Variants in ZNF277 observed in about 807,000 individuals in gnomAD.
The protein encoded by ZNF277 is nuclear receptor-interacting factor 4.
Under a neutral mutation model 60.7 loss-of-function variants are expected in ZNF277, and 55 were observed. The observed-to-expected ratio is 0.91, with a 90% confidence interval of 0.73 to 1.13. The LOEUF (loss-of-function observed/expected upper bound fraction) is 1.13, where lower values mean the gene tolerates loss of function less well. Ranked by LOEUF, ZNF277 falls within the 50% of genes most tolerant of loss-of-function variation. ZNF277 has a pLI of 0.00. For missense variants in ZNF277, 510 were observed against 523.0 expected, an observed-to-expected ratio of 0.98 and a Z score of 0.24; for synonymous variants, 178 against 179.3, an observed-to-expected ratio of 0.99 and a Z score of 0.06.
chr7:112,232,084 T>TATATATATATATATATA (rs1822354082), intron 1 of ZNF277, among the ~76,000 whole-genome samples: 2 of 132,180 alleles, frequency 1.5e-5, no homozygotes, highest in Admixed American at 8.0e-5. Context: ...TATATATATA[T>TATATATATATATATATA]TCCCTTAACT....
rs535310226 is a variant in ZNF277 at position 112,323,923 on chromosome 7, T to A, written c.558-3794T>A. 2.3e-3 allele frequency among the ~76,000 whole-genome samples: 356 copies of A among 152,320 alleles called. 2 individuals carry two copies. Among genetic ancestry groups the A allele is most frequent in the Non-Finnish European group, 3.5e-3 (239 of 68,032 alleles). On this transcript the variant is annotated intron_variant, in intron 5 of 11. Coordinates refer to ENST00000361822, the MANE Select transcript of ZNF277 (RefSeq NM_021994.3). ...CAAAAAATGAGATCAGAGAGCACTA[T>A]GTAGGGAAATATTTGTTCCTAAAGT...
chr7:112,262,753 A>G (rs1311898259), intron 1 of ZNF277, among the ~76,000 whole-genome samples: 1 of 152,086 alleles, frequency 6.6e-6, no homozygotes, highest in African/African-American at 2.4e-5. Flanking sequence ...TATATTTTAT[A>G]TTTGTTCCAA....
At chr7:112,248,647 G>A (rs1348445525) in intron 1 of ZNF277, among the ~76,000 whole-genome samples, 2 of 151,330 alleles carry the variant, frequency 1.3e-5, no homozygotes, top group African/African-American at 4.9e-5. Flanking sequence ...ACACTTTTCT[G>A]TATATGTATG....
chr7:112,291,081 G>A (rs62473137), intron 2 of ZNF277, among the ~76,000 whole-genome samples: 3,303 of 151,974 alleles, frequency 0.022, 51 homozygotes, highest in Middle Eastern at 0.075. Context: ...AACTTCCTGG[G>A]GCAGGAGAAA....
At chr7:112,289,026 A>G (rs1792140645) in intron 2 of ZNF277, 1 of 150,904 alleles carries the variant, frequency 6.6e-6, no homozygotes, top group African/African-American at 2.4e-5. Context: ...TGTGTACCTG[A>G]TAAATGGTAG....
At chr7:112,318,106 C>T in intron 4 of ZNF277, 76 bp from the exon 5 acceptor site, 1 of 1,228,956 alleles carries the variant, frequency 8.1e-7, no homozygotes, top group Non-Finnish European at 1.2e-6. Context: ...CCAGTTTCCT[C>T]CCATCCAGAC....
intron 1 of ZNF277, among the ~76,000 whole-genome samples, chr7:112,260,901 A>G (rs533317817): frequency 6.6e-6 from 1 of 152,176 alleles, no homozygotes; most frequent in African/African-American, 2.4e-5. Flanking sequence ...CAAATTTATG[A>G]TATTTTTCTT....
At chr7:112,333,282 A>G (rs1793263002) in intron 7 of ZNF277, among the ~76,000 whole-genome samples, 1 of 152,190 alleles carries the variant, frequency 6.6e-6, no homozygotes, top group African/African-American at 2.4e-5. Context: ...TATTGACATC[A>G]TACATTCTGC....
chr7:112,300,299 T>C (rs1295584051), intron 4 of ZNF277, among the ~76,000 whole-genome samples: 1 of 152,240 alleles, frequency 6.6e-6, no homozygotes, highest in Non-Finnish European at 1.5e-5. Context: ...CTTTGAATAT[T>C]TTCATCCATA....
intron 1 of ZNF277, among the ~76,000 whole-genome samples, chr7:112,236,719 C>T (rs570015835): frequency 6.6e-6 from 1 of 152,034 alleles, no homozygotes; most frequent in African/African-American, 2.4e-5. Context: ...AGAAAGTAAA[C>T]ACAATCTCAT....
At chr7:112,282,465 A>T (rs1791968900) in intron 1 of ZNF277, among the ~76,000 whole-genome samples, 1 of 152,236 alleles carries the variant, frequency 6.6e-6, no homozygotes, top group South Asian at 2.1e-4. Flanking sequence ...TTCTACATGT[A>T]TTCCTTGACT....
rs559571890 is a variant in ZNF277, at chr7:112,270,706, C to T, written c.92-16167C>T. Among the ~76,000 whole-genome samples, 95 of 151,916 alleles carry T rather than the reference C, an allele frequency of 6.3e-4. 1 individual carries two copies. The South Asian group carries it at 0.019, about 30-fold the overall frequency. The stretch of plus-strand genomic sequence containing the variant: ...ATCTATCACAAAATATTTCTTCTTC[C>T]AAAACCTATAGAAAAGGTAATATGT... On this transcript the variant is annotated intron_variant, in intron 1 of 11. Coordinates refer to ENST00000361822, the MANE Select transcript of ZNF277 (RefSeq NM_021994.3).
At chr7:112,306,224 T>G (rs1792586193) in intron 4 of ZNF277, among the ~76,000 whole-genome samples, 1 of 148,454 alleles carries the variant, frequency 6.7e-6, no homozygotes, top group African/African-American at 2.5e-5. Context: ...TTTTTTTTTT[T>G]TTTTTTTTGA....
intron 1 of ZNF277, among the ~76,000 whole-genome samples, chr7:112,218,353 T>C (rs1821940718): frequency 6.6e-6 from 1 of 152,224 alleles, no homozygotes; most frequent in Non-Finnish European, 1.5e-5. Flanking sequence ...ATTTTAGAAT[T>C]TTTTAATTGA....
intron 5 of ZNF277, among the ~76,000 whole-genome samples, chr7:112,320,750 T>C (rs1263874814): frequency 6.6e-6 from 1 of 152,018 alleles, no homozygotes; most frequent in East Asian, 1.9e-4. Context: ...ATTGTAGTAC[T>C]TAATTCGTGT....
intron 4 of ZNF277, among the ~76,000 whole-genome samples, chr7:112,315,612 G>A (rs1269227258): frequency 4.6e-5 from 7 of 152,180 alleles, no homozygotes; most frequent in Non-Finnish European, 1.0e-4. Flanking sequence ...TATAGAACAG[G>A]TTAAATTATG....
chr7:112,276,192 G>A lies in ZNF277; in HGVS notation c.92-10681G>A, dbSNP rs193107273. Reference sequence around the variant, plus strand: ...GAAATAACCAACTTCCCGGCCCATCGTGGGGGAATCTGATGGATGGATGGA... The same window carrying A: ...GAAATAACCAACTTCCCGGCCCATCATGGGGGAATCTGATGGATGGATGGA... On this transcript the variant is annotated intron_variant, in intron 1 of 11. Coordinates refer to ENST00000361822, the MANE Select transcript of ZNF277 (RefSeq NM_021994.3). Among the ~76,000 whole-genome samples the A allele has an allele frequency of 2.4e-3, 366 of 152,298 alleles. 1 individual carries two copies. The highest frequency in any genetic ancestry group is 3.3e-3 in the Non-Finnish European group (225 of 68,022).
chr7:112,229,935 G>A (rs1211043641), intron 1 of ZNF277, among the ~76,000 whole-genome samples: 3 of 152,192 alleles, frequency 2.0e-5, no homozygotes, highest in Non-Finnish European at 2.9e-5. Context: ...TTGAGGAAGG[G>A]CTTGGGATGC....
At chr7:112,336,260 C>A in intron 8 of ZNF277, 89 bp downstream of exon 8, 3 of 1,204,848 alleles carry the variant, frequency 2.5e-6, no homozygotes, top group South Asian at 1.7e-5. Flanking sequence ...GAAGCGGGAA[C>A]ATAAGAAGAA....
Sources: gnomAD v4.1 joint callset for allele counts (sites outside exome capture counted in the v4.1 genomes callset) on GRCh38, gnomAD v4.1.1 for gene constraint, MANE v1.5 for transcripts, NCBI Gene and HGNC (gene_info 2026-07-23, HGNC 2026-07-21) for gene names.